The following PRDM2 variants were observed in gnomAD, a reference collection of about 807,000 sequenced individuals.
PRDM2 encodes PR domain zinc finger protein 2.
A neutral mutation model predicts 130.0 loss-of-function variants in PRDM2; 30 were observed. That is an observed-to-expected ratio of 0.23 (90% CI 0.17 to 0.31). The LOEUF is 0.31. Among genes scored for constraint, PRDM2 ranks in the 10% least tolerant of loss-of-function variants. The pLI is 1.00. For missense variants in PRDM2, 2,011 were observed against 2,108.4 expected (o/e 0.95, Z 0.90); for synonymous variants, 871 against 782.4 (o/e 1.11, Z -1.89).
intron 8 of PRDM2, among the ~76,000 whole-genome samples, chr1:13,791,672 CATTT>C (rs1644841946): frequency 6.6e-6 from 1 of 152,136 alleles, no homozygotes; most frequent in Non-Finnish European, 1.5e-5. Context: ...GTGTAGGTTT[CATTT>C]AGTTTTCTAG....
At chr1:13,776,167 G>C (rs899320277) in intron 7 of PRDM2, among the ~76,000 whole-genome samples, 7 of 151,982 alleles carry the variant, frequency 4.6e-5, no homozygotes, top group African/African-American at 1.7e-4. Context: ...TTGCCTTCCT[G>C]CTTGTGTGTG....
rs556811053 is a variant in PRDM2 at position 13,800,487 on chromosome 1, T to G, written c.5037-15940T>G. 2.0e-5 allele frequency among the ~76,000 whole-genome samples: 3 copies of G among 151,454 alleles called. No individual in the cohort carries two copies. The South Asian group carries it at 6.3e-4, about 32-fold the overall frequency. On this transcript the variant is annotated intron_variant, in intron 8 of 9. Coordinates refer to ENST00000311066, the MANE Select transcript of PRDM2 (RefSeq NM_001393986.1). ...CCATAGGGAGCGAAATCATTGGAGGTGGGTGAGGATGGGGAGATGTGGAGG... is the reference window on the plus strand; with the variant it reads ...CCATAGGGAGCGAAATCATTGGAGGGGGGTGAGGATGGGGAGATGTGGAGG...
At chr1:13,737,902 A>G (rs911270595) in intron 4 of PRDM2, among the ~76,000 whole-genome samples, 1 of 152,194 alleles carries the variant, frequency 6.6e-6, no homozygotes, top group Admixed American at 6.5e-5. Context: ...TTGTGGTGTT[A>G]TAAACTACTG....
chr1:13,782,262 A>G lies in PRDM2; in HGVS notation c.4467A>G (p.Lys1489=), dbSNP rs149634987. The G allele has an allele frequency of 6.2e-6, 10 of 1,613,698 alleles. No individual in the cohort carries two copies. Among genetic ancestry groups the G allele is most frequent in the Non-Finnish European group, 8.5e-6 (10 of 1,179,932 alleles). The change falls in exon 8 of 10, where the codon AAA becomes AAG. Residue 1489 remains lysine (K), a synonymous_variant. Transcript: ENST00000311066. ...AACCCCTTTCTCCTCCCAAAAAAAA[A>G]GTTTCTCATTCATCTAAGAAAGGTG... The part of the protein sequence containing the change: ...PKKPLSPPKK[K]VSHSSKKGGH...
intron 8 of PRDM2, among the ~76,000 whole-genome samples, chr1:13,789,396 G>A (rs1416323440): frequency 2.6e-5 from 4 of 152,172 alleles, no homozygotes; most frequent in Admixed American, 6.5e-5. Context: ...CTGTGTTGTA[G>A]GTGCTTAGGA....
intron 8 of PRDM2, chr1:13,787,561 A>G (rs540209902): frequency 4.1e-6 from 4 of 980,812 alleles, no homozygotes; most frequent in East Asian, 1.1e-4. Context: ...TCCTTCCACT[A>G]TCATTCCCAT....
intron 8 of PRDM2, among the ~76,000 whole-genome samples, chr1:13,797,695 C>T (rs1644943471): frequency 6.6e-6 from 1 of 152,130 alleles, no homozygotes; most frequent in South Asian, 2.1e-4. Context: ...ATCATCTCCC[C>T]AGGATGTTTG....
At chr1:13,730,126 A>G (rs1643054464) in intron 2 of PRDM2, among the ~76,000 whole-genome samples, 2 of 152,182 alleles carry the variant, frequency 1.3e-5, no homozygotes, top group African/African-American at 2.4e-5. Flanking sequence ...TACAAAGCCT[A>G]TCATTCTTAG....
chr1:13,776,836 G>A (rs1569986469), intron 7 of PRDM2, among the ~76,000 whole-genome samples: 1 of 152,134 alleles, frequency 6.6e-6, no homozygotes, highest in African/African-American at 2.4e-5. Flanking sequence ...GAGTCATCTG[G>A]GACACAATCC....
At position 13,779,834 on chromosome 1, in the gene PRDM2, A is replaced by G; in HGVS notation, c.2039A>G (p.His680Arg). The G allele has an allele frequency of 6.2e-7, 1 of 1,614,216 alleles. No homozygotes were observed. The highest frequency in any genetic ancestry group is 8.5e-7 in the Non-Finnish European group (1 of 1,180,036). The change falls in exon 8 of 10, where the codon CAC (histidine) becomes CGC (arginine). Residue 680 changes from histidine to arginine, a missense_variant. Transcript: ENST00000311066. This position sits in a 1 kb window ranked among gnomAD's most constrained non-coding sequence, Gnocchi z 4.9. ...SISTTEAVSF[H>R]KEKSVYLSSK... ...TCAACAACAGAGGCAGTGTCTTTCCACAAAGAGAAAAGTGTTTATTTGTCA... is the reference window on the plus strand; with the variant it reads ...TCAACAACAGAGGCAGTGTCTTTCCGCAAAGAGAAAAGTGTTTATTTGTCA...
At chr1:13,753,588 G>A (rs546658023) in intron 6 of PRDM2, among the ~76,000 whole-genome samples, 2 of 152,296 alleles carry the variant, frequency 1.3e-5, no homozygotes, top group African/African-American at 4.8e-5. Context: ...TTAAAATATA[G>A]GGAGGTAAGA....
intron 8 of PRDM2, among the ~76,000 whole-genome samples, chr1:13,808,679 C>T (rs936585421): frequency 2.0e-5 from 3 of 152,154 alleles, no homozygotes; most frequent in African/African-American, 4.8e-5. Flanking sequence ...TCTTGAATTG[C>T]TCATTTCTTC....
chr1:13,711,648 T>C (rs577035464), intron 1 of PRDM2, among the ~76,000 whole-genome samples: 2 of 152,214 alleles, frequency 1.3e-5, no homozygotes, highest in Non-Finnish European at 2.9e-5. Context: ...GTTTTTGATA[T>C]AGTTGAATAA....
chr1:13,779,883 A>C lies in PRDM2; in HGVS notation c.2088A>C (p.Gln696His), dbSNP rs777908052. The C allele has an allele frequency of 1.9e-6, 3 of 1,597,272 alleles. No individual in the cohort carries two copies. Among genetic ancestry groups the C allele is most frequent in the Non-Finnish European group, 1.7e-6 (2 of 1,175,864 alleles). The change falls in exon 8 of 10, where the codon CAA becomes CAC. Residue 696 changes from glutamine (Q) to histidine (H), a missense_variant. By Grantham distance (24) the Gln-to-His change is conservative. Coordinates refer to ENST00000311066, the MANE Select transcript of PRDM2 (RefSeq NM_001393986.1). This position sits in a 1 kb window ranked among gnomAD's most constrained non-coding sequence, Gnocchi z 4.9. Reference protein sequence around the residue: ...YLSSKLKQLLQTQDKLTPAGI... With the variant: ...YLSSKLKQLLHTQDKLTPAGI... ...CATCAAAGCTCAAACAACTTCTTCA[A>C]ACCCAAGATAAACTAACTCCTGCAG...
At chr1:13,747,865 A>C (rs1643662094) in intron 5 of PRDM2, among the ~76,000 whole-genome samples, 2 of 152,172 alleles carry the variant, frequency 1.3e-5, no homozygotes, top group Admixed American at 1.3e-4. Flanking sequence ...TAACAGCAAC[A>C]CATTATTTTA....
intron 2 of PRDM2, among the ~76,000 whole-genome samples, chr1:13,729,215 G>A (rs191221694): frequency 4.2e-4 from 64 of 152,304 alleles, no homozygotes; most frequent in African/African-American, 1.3e-3. Context: ...CAGTAAATAC[G>A]AAGTTGTCAT....
At chr1:13,815,482 C>T (rs2100765774) in intron 8 of PRDM2, among the ~76,000 whole-genome samples, 1 of 149,258 alleles carries the variant, frequency 6.7e-6, no homozygotes, top group South Asian at 2.1e-4. Flanking sequence ...ACCTTGGGAT[C>T]TCAGAGCTCA....
chr1:13,783,518 G>A (rs1439226168), intron 8 of PRDM2, among the ~76,000 whole-genome samples: 1 of 152,074 alleles, frequency 6.6e-6, no homozygotes. Context: ...TGATACCCAG[G>A]GCATGTCAGC....
rs192769182 is a variant in PRDM2, at chr1:13,770,091, G to T, written c.512-2987G>T. ...GGTACCCTGTAGTGGTCTGTGGCGG[G>T]ATCCCCTCCTTAGTCCTCTGATAAG... On this transcript the variant is annotated intron_variant, in intron 6 of 9. Coordinates refer to ENST00000311066, the MANE Select transcript of PRDM2 (RefSeq NM_001393986.1). Among the ~76,000 whole-genome samples the T allele has an allele frequency of 2.2e-3, 340 of 152,250 alleles. 1 individual carries two copies. The highest frequency in any genetic ancestry group is 3.8e-3 in the Non-Finnish European group (256 of 68,014).
Sources: allele counts gnomAD v4.1 joint callset (sites outside exome capture counted in the v4.1 genomes callset), GRCh38; gene constraint gnomAD v4.1.1; non-coding constraint Gnocchi (gnomAD v3.1); transcripts MANE v1.5; gene names NCBI Gene and HGNC (gene_info 2026-07-23, HGNC 2026-07-21).